The following SMARCC1 variants were observed in gnomAD, a reference collection of about 807,000 sequenced individuals.
SMARCC1 encodes the protein SWI/SNF complex subunit SMARCC1.
A neutral mutation model predicts 147.4 loss-of-function variants in SMARCC1; 43 were observed. The ratio of observed to expected loss-of-function variants is 0.29; its 90% CI spans 0.23 to 0.38. The LOEUF (loss-of-function observed/expected upper bound fraction) is 0.38, where lower values mean the gene tolerates loss of function less well. Among genes scored for constraint, SMARCC1 ranks in the 10% least tolerant of loss-of-function variants. The pLI is 1.00. For synonymous variants in SMARCC1, 495 were observed against 484.4 expected, an observed-to-expected ratio of 1.02 and a Z score of -0.29; for missense variants, 1,119 against 1,381.1, an observed-to-expected ratio of 0.81 and a Z score of 3.01.
intron 24 of SMARCC1, among the ~76,000 whole-genome samples, chr3:47,624,837 G>T (rs1029243387): frequency 1.3e-5 from 2 of 150,798 alleles, no homozygotes; most frequent in East Asian, 3.9e-4. Context: ...ATTACAGAAG[G>T]CCAGGAGTTC....
At chr3:47,638,201 T>C (rs1376421644) in intron 22 of SMARCC1, among the ~76,000 whole-genome samples, 1 of 152,156 alleles carries the variant, frequency 6.6e-6, no homozygotes, top group African/African-American at 2.4e-5. Flanking sequence ...CACGCCATTC[T>C]CCTGCCTCAG....
chr3:47,666,177 AG>A (rs1205068639), intron 19 of SMARCC1, among the ~76,000 whole-genome samples: 2 of 152,120 alleles, frequency 1.3e-5, no homozygotes, highest in African/African-American at 4.8e-5. Context: ...TATTCCTACT[AG>A]GTATTGTGCC....
In SMARCC1 at chr3:47,720,519, A is replaced by C. The variant is rs549310616; in HGVS notation, c.716+147T>G. On this transcript the variant is annotated intron_variant, in intron 7 of 27. Transcript: ENST00000254480. Reference sequence around the variant, plus strand: ...ATTAAATTTTGTACCTTAAATAAGAAAACAGTCAATAAAAGACTCCATAAG... The same window carrying C: ...ATTAAATTTTGTACCTTAAATAAGACAACAGTCAATAAAAGACTCCATAAG... 1.1e-5 allele frequency: 7 copies of C among 625,984 alleles called. No individual in the cohort carries two copies. In the East Asian group the frequency reaches 1.9e-4, roughly 17 times the overall value. The allele number at this position is 625,984 out of a possible 1,614,324, so 38.8% of individuals were successfully genotyped here.
chr3:47,606,787 A>G (rs2032483479), intron 26 of SMARCC1, among the ~76,000 whole-genome samples: 1 of 152,000 alleles, frequency 6.6e-6, no homozygotes, highest in Non-Finnish European at 1.5e-5. Flanking sequence ...GCTCACTTGC[A>G]ATCTCAAACT....
At chr3:47,619,890 T>C (rs1253382550) in intron 25 of SMARCC1, among the ~76,000 whole-genome samples, 1 of 152,182 alleles carries the variant, frequency 6.6e-6, no homozygotes, top group Non-Finnish European at 1.5e-5. Flanking sequence ...TGGTGACAGG[T>C]ACTGGGCTAC....
intron 21 of SMARCC1, among the ~76,000 whole-genome samples, chr3:47,643,260 T>C (rs1440253316): frequency 1.3e-5 from 2 of 152,172 alleles, no homozygotes; most frequent in Non-Finnish European, 2.9e-5. Context: ...TCTTGGCGTG[T>C]CGGCTGGTCG....
chr3:47,712,506 G>A (rs930503465), intron 8 of SMARCC1, among the ~76,000 whole-genome samples: 6 of 152,036 alleles, frequency 3.9e-5, no homozygotes, highest in African/African-American at 1.4e-4. Context: ...GAATGTTAGA[G>A]GAGTATGTGA....
chr3:47,639,416 G>A (rs1305907371), intron 21 of SMARCC1, among the ~76,000 whole-genome samples: 1 of 151,948 alleles, frequency 6.6e-6, no homozygotes, highest in Non-Finnish European at 1.5e-5. Flanking sequence ...ATAAACTAAT[G>A]TCAAACTGTG....
intron 21 of SMARCC1, among the ~76,000 whole-genome samples, chr3:47,646,610 G>A (rs2033123603): frequency 6.6e-6 from 1 of 152,176 alleles, no homozygotes; most frequent in Admixed American, 6.5e-5. Context: ...AGATTTAAAT[G>A]TTTGCCACAT....
chr3:47,623,928 C>T (rs531120405), intron 24 of SMARCC1, among the ~76,000 whole-genome samples: 47 of 146,764 alleles, frequency 3.2e-4, no homozygotes, highest in South Asian at 2.4e-3. Context: ...GTGGGGGGAG[C>T]GGTAGGTGGA....
chr3:47,616,711 G>A (rs1207271597), intron 25 of SMARCC1, among the ~76,000 whole-genome samples: 1 of 152,066 alleles, frequency 6.6e-6, no homozygotes, highest in Non-Finnish European at 1.5e-5. Flanking sequence ...CTCCCAAAGT[G>A]CTGGGATTAC....
intron 6 of SMARCC1, among the ~76,000 whole-genome samples, chr3:47,727,430 C>A (rs2034312240): frequency 6.6e-6 from 1 of 151,904 alleles, no homozygotes; most frequent in South Asian, 2.1e-4. Context: ...TCACTTGAAC[C>A]CAGGAGGCGG....
chr3:47,656,731 T>C (rs2033266683), intron 21 of SMARCC1, among the ~76,000 whole-genome samples: 1 of 152,044 alleles, frequency 6.6e-6, no homozygotes, highest in African/African-American at 2.4e-5. Context: ...CCAGGAAATA[T>C]GGTGAAACCC....
intron 5 of SMARCC1, 127 bp from the exon 6 acceptor site, chr3:47,729,221 T>G (rs1194983744): frequency 1.6e-6 from 1 of 609,402 alleles, no homozygotes; most frequent in Admixed American, 3.2e-5. Flanking sequence ...TAAAAAAGAC[T>G]TGCTTCTTTT....
At chr3:47,731,853 T>C (rs1576425081) in intron 5 of SMARCC1, among the ~76,000 whole-genome samples, 1 of 152,186 alleles carries the variant, frequency 6.6e-6, no homozygotes, top group Admixed American at 6.5e-5. Context: ...GCAAAATAGA[T>C]GTACAATAAT....
At chr3:47,604,619 T>C in intron 26 of SMARCC1, 2 of 252,344 alleles carry the variant, frequency 7.9e-6, no homozygotes, top group South Asian at 9.4e-5. Flanking sequence ...CTTTAGAATA[T>C]GGTCTATCAG....
At chr3:47,666,732 GA>G (rs1160704882) in intron 19 of SMARCC1, among the ~76,000 whole-genome samples, 1 of 152,104 alleles carries the variant, frequency 6.6e-6, no homozygotes, top group Non-Finnish European at 1.5e-5. Flanking sequence ...TTTTTGGGGG[GA>G]TTTTTTTTTA....
chr3:47,661,931 C>T (rs1309665889), intron 20 of SMARCC1, among the ~76,000 whole-genome samples: 1 of 152,062 alleles, frequency 6.6e-6, no homozygotes, highest in East Asian at 1.9e-4. Context: ...CAATAAAAAA[C>T]CTCTGTCCCT....
chr3:47,722,124 G>A (rs751990110), intron 6 of SMARCC1, among the ~76,000 whole-genome samples: 1 of 151,696 alleles, frequency 6.6e-6, no homozygotes, highest in African/African-American at 2.4e-5. Flanking sequence ...TCTAAATCCC[G>A]ACTACCTAAA....
Sources: gnomAD v4.1 joint callset for allele counts (sites outside exome capture counted in the v4.1 genomes callset) on GRCh38, gnomAD v4.1.1 for gene constraint, MANE v1.5 for transcripts, NCBI Gene and HGNC (gene_info 2026-07-23, HGNC 2026-07-21) for gene names.